Variants in MRO observed in about 807,000 individuals in gnomAD.
MRO encodes the protein protein maestro.
A neutral mutation model predicts 31.0 loss-of-function variants in MRO; 28 were observed. The observed-to-expected ratio is 0.90, with a 90% CI of 0.67 to 1.24. The LOEUF (loss-of-function observed/expected upper bound fraction) is 1.24. Ranked by LOEUF, MRO falls within the 50% of genes most tolerant of loss-of-function variation. The probability of loss-of-function intolerance (pLI) is 0.00; values close to 1 mark genes in which losing one functional copy is unlikely to be tolerated. For synonymous variants in MRO, 108 were observed against 108.4 expected (o/e 1.00, Z 0.02); for missense variants, 332 against 289.2 (o/e 1.15, Z -1.07).
At chr18:50,804,161 G>C (rs1681849002) in intron 5 of MRO, among the ~76,000 whole-genome samples, 1 of 152,226 alleles carries the variant, frequency 6.6e-6, no homozygotes, top group African/African-American at 2.4e-5. Flanking sequence ...AGGGTTATTG[G>C]GAAGATTATA....
At chr18:50,821,546 G>A (rs1915302884), upstream of MRO, among the ~76,000 whole-genome samples, 1 of 152,118 alleles carries the variant, frequency 6.6e-6, no homozygotes, top group Admixed American at 6.5e-5. Context: ...AAGAACAGAG[G>A]AGACTGGAGA....
intron 1 of MRO, 29 bp downstream of exon 1, chr18:50,819,866 ATT>A: frequency 6.5e-7 from 1 of 1,547,344 alleles, no homozygotes; most frequent in Non-Finnish European, 8.7e-7. Flanking sequence ...CGACAAGAAT[ATT>A]GTAGGGTGGC....
rs1470254755 is a variant in MRO, at chr18:50,799,341, A to G, written c.743T>C (p.Leu248Pro). 1 of 1,613,794 alleles carries G rather than the reference A, an allele frequency of 6.2e-7. No homozygotes were observed. Among genetic ancestry groups the G allele is most frequent in the Non-Finnish European group, 8.5e-7 (1 of 1,179,754 alleles). ...CATTTCCCTGCTGCTCTGCGCTTAC[A>G]GAATTTTATTTGCGTAGAAGAACTG... is the stretch of plus-strand genomic sequence containing the variant. ...ILQFFYANKI[L>P] The change falls in exon 8 of 8, where the codon CTG becomes CCG. Residue 248 changes from leucine (L) to proline (P), a missense_variant. Physicochemically the swap from Leu to Pro is moderately conservative, Grantham distance 98. Coordinates refer to ENST00000398439, the MANE Select transcript of MRO (RefSeq NM_031939.6).
Position 50,798,473 on chromosome 18 carries a change from AG to A in MRO, c.*863del, listed in dbSNP as rs1344510786. ...TTATTGAGTATGGGCTCAAGAAGTC[AG>A]ACCGTACATGTTTGAATTCCAGCTC... On this transcript the variant is annotated 3_prime_UTR_variant, in exon 8 of 8. Coordinates refer to ENST00000398439, the MANE Select transcript of MRO (RefSeq NM_031939.6). 6.6e-6 allele frequency: 1 copy of A among 152,226 alleles called. No individual in the cohort carries two copies. The highest frequency in any genetic ancestry group is 2.4e-5 in the African/African-American group (1 of 41,464). The allele number at this position is 152,226 out of a possible 1,614,324, so 9.4% of individuals were successfully genotyped here.
chr18:50,819,798 G>A (rs1915226500), intron 1 of MRO, 96 bp from the exon 2 acceptor site: 1 of 1,542,672 alleles, frequency 6.5e-7, no homozygotes, highest in Non-Finnish European at 8.8e-7. Context: ...AAATAAGAGG[G>A]GAAAGTCAAA....
At chr18:50,822,119 G>A (rs58521352), upstream of MRO, among the ~76,000 whole-genome samples, 955 of 152,296 alleles carry the variant, frequency 6.3e-3, 12 homozygotes, top group African/African-American at 0.022. Flanking sequence ...ATTATTTAAT[G>A]TAAGGATTTA....
intron 6 of MRO, 21 bp from the exon 7 acceptor site, chr18:50,800,164 A>G (rs1469935843): frequency 2.0e-6 from 3 of 1,506,434 alleles, no homozygotes; most frequent in Non-Finnish European, 2.8e-6. Flanking sequence ...TAATATTACT[A>G]TTTTATTTAT....
intron 3 of MRO, 34 bp from the exon 4 acceptor site, chr18:50,806,884 A>T (rs898285726): frequency 6.2e-7 from 1 of 1,608,454 alleles, no homozygotes; most frequent in Non-Finnish European, 8.5e-7. Flanking sequence ...TTAATTTGGG[A>T]GTGTTCAGAG....
intron 2 of MRO, among the ~76,000 whole-genome samples, 178 bp from the exon 3 acceptor site, chr18:50,809,582 G>C (rs770737235): frequency 6.6e-6 from 1 of 152,104 alleles, no homozygotes; most frequent in African/African-American, 2.4e-5. Flanking sequence ...AGCAACCCAA[G>C]GCAGCCCAAG....
At chr18:50,809,701 C>A (rs1429603449) in intron 2 of MRO, among the ~76,000 whole-genome samples, 1 of 152,190 alleles carries the variant, frequency 6.6e-6, no homozygotes. Context: ...GATTCCCAGG[C>A]TCTGCCCACA....
chr18:50,810,645 C>T (rs1441790025), intron 2 of MRO, among the ~76,000 whole-genome samples: 1 of 152,156 alleles, frequency 6.6e-6, no homozygotes, highest in Non-Finnish European at 1.5e-5. Context: ...ATAAATGTAG[C>T]TTACCAAGTG....
chr18:50,806,676 C>G, intron 4 of MRO, 28 bp downstream of exon 4: 5 of 1,613,222 alleles, frequency 3.1e-6, no homozygotes, highest in Non-Finnish European at 4.2e-6. Flanking sequence ...GCTTGGGGAG[C>G]TGGCTGAGCC....
intron 2 of MRO, among the ~76,000 whole-genome samples, chr18:50,812,130 G>A (rs919390946): frequency 5.9e-5 from 9 of 152,110 alleles, no homozygotes; most frequent in East Asian, 1.9e-4. Flanking sequence ...CACCAGCAAC[G>A]TATGAGGGTT....
Position 50,801,391 on chromosome 18 carries a change from G to C in MRO, c.543C>G (p.Ser181=), listed in dbSNP as rs772263219. 1 of 1,610,392 alleles carries C rather than the reference G, an allele frequency of 6.2e-7. No individual in the cohort carries two copies. Among genetic ancestry groups the C allele is most frequent in the Non-Finnish European group, 8.5e-7 (1 of 1,177,642 alleles). The change falls in exon 6 of 8, where the codon TCC becomes TCG. Residue 181 remains serine (S), a synonymous_variant. Transcript: ENST00000398439. The stretch of plus-strand genomic sequence containing the variant: ...TTCTGTCCTGTAAATGGATCAGGAG[G>C]GAATCTCGTGTCTGCTTAACCTGAC... ...FTSQVKQTRD[S]LLIHLQDRNP... is the part of the protein sequence containing the mutation.
intron 3 of MRO, 112 bp from the exon 4 acceptor site, chr18:50,806,962 C>G (rs964051995): frequency 4.5e-5 from 47 of 1,040,026 alleles, no homozygotes; most frequent in Non-Finnish European, 6.1e-5. Context: ...CAATTTTACC[C>G]CTTCTTTCTC....
At position 50,800,017 on chromosome 18, in the gene MRO, C is replaced by A. The variant is rs1327190644; in HGVS notation, c.693+19G>T. ...GGCAGGGACCGGAAAAGAATTCTCT[C>A]CTACCCTGGCTCACTCACCAGCTGC... On this transcript the variant is annotated intron_variant, in intron 7 of 7. Coordinates refer to ENST00000398439, the MANE Select transcript of MRO (RefSeq NM_031939.6). The A allele has an allele frequency of 6.3e-7, 1 of 1,578,138 alleles. No homozygotes were observed.
intron 3 of MRO, among the ~76,000 whole-genome samples, chr18:50,808,471 T>TA (rs1555669104): frequency 4.6e-5 from 7 of 150,814 alleles, no homozygotes; most frequent in South Asian, 2.1e-4. Flanking sequence ...TTTTTTTTTT[T>TA]AATTTAAGAC....
At chr18:50,815,026 T>A in intron 2 of MRO, 1 of 161,250 alleles carries the variant, frequency 6.2e-6, no homozygotes, top group Non-Finnish European at 1.3e-5. Flanking sequence ...ATGCCACTGT[T>A]CTCCAGCTGG....
Position 50,800,075 on chromosome 18 carries a change from A to C in MRO, c.654T>G (p.Ser218Arg), listed in dbSNP as rs1418668025. 6.2e-7 allele frequency: 1 copy of C among 1,613,676 alleles called. No homozygotes were observed. ...LKLKEEYSFQ[S>R]EEDQRNTKLY... ...GCTTAGTGTTCCTTTGATCTTCTTC[A>C]CTCTGGAAGCTGTATTCCTCCTTTA... The change falls in exon 7 of 8, where the codon AGT becomes AGG. Residue 218 changes from serine to arginine, a missense_variant. Transcript: ENST00000398439.
Sources: allele counts gnomAD v4.1 joint callset (sites outside exome capture counted in the v4.1 genomes callset), GRCh38; gene constraint gnomAD v4.1.1; transcripts MANE v1.5; gene names NCBI Gene and HGNC (gene_info 2026-07-23, HGNC 2026-07-21).